CALN1: variants seen among roughly 807,000 people sequenced by gnomAD.
CALN1 encodes the protein calneuron 1, also known as calcium-binding protein 8.
Under a neutral mutation model 30.6 loss-of-function variants are expected in CALN1, and 17 were observed. That is an observed-to-expected ratio of 0.56 (90% confidence interval 0.38 to 0.83). The LOEUF is 0.83. Among genes scored for constraint, CALN1 ranks in the 40% least tolerant of loss-of-function variants. The pLI, the probability that CALN1 is intolerant of heterozygous loss-of-function variation, is 0.00. For missense variants in CALN1, 291 were observed against 354.9 expected (o/e 0.82, Z 1.45); for synonymous variants, 156 against 131.4 (o/e 1.19, Z -1.28).
At chr7:72,093,704 TC>T (rs1351913295) in intron 4 of CALN1, among the ~76,000 whole-genome samples, 14 of 152,176 alleles carry the variant, frequency 9.2e-5, no homozygotes, top group Non-Finnish European at 1.8e-4. Flanking sequence ...ACCTTTAAAC[TC>T]TCAGCTCAAG....
At position 71,787,582 on chromosome 7, in the gene CALN1, G is replaced by T; in HGVS notation, c.*193C>A. The T allele has an allele frequency of 1.6e-6, 1 of 624,740 alleles. No individual in the cohort carries two copies. Among genetic ancestry groups the T allele is most frequent in the Non-Finnish European group, 2.6e-6 (1 of 381,966 alleles). 38.7% of individuals were successfully genotyped at this position (624,740 alleles called of 1,614,324 possible). A position where few individuals can be genotyped will look rare whatever the true frequency, so the allele number is the denominator to read the frequency against. On this transcript the variant is annotated 3_prime_UTR_variant, in exon 7 of 7. Coordinates refer to ENST00000395275, the MANE Select transcript of CALN1 (RefSeq NM_031468.4). ...TTAAAGCACTGAAGACAGCCCTTTA[G>T]TGTCCCTGCCAAGGAGATGAAGCTG...
intron 3 of CALN1, among the ~76,000 whole-genome samples, chr7:72,181,904 T>C (rs1398319593): frequency 1.3e-5 from 2 of 152,238 alleles, no homozygotes; most frequent in African/African-American, 2.4e-5. Flanking sequence ...GTCCATACTA[T>C]GTACCAGCAC....
chr7:72,092,444 C>CA (rs573228170), intron 4 of CALN1, among the ~76,000 whole-genome samples: 246 of 150,350 alleles, frequency 1.6e-3, no homozygotes, highest in African/African-American at 5.8e-3. Flanking sequence ...ACACACACAC[C>CA]CACACACACA....
At chr7:72,346,170 A>G (rs532099418) in intron 2 of CALN1, among the ~76,000 whole-genome samples, 77 of 152,324 alleles carry the variant, frequency 5.1e-4, no homozygotes, top group African/African-American at 1.8e-3. Flanking sequence ...CATAATTTTT[A>G]AAGGTCAAAT....
chr7:72,212,181 C>T (rs1158198694), intron 3 of CALN1, among the ~76,000 whole-genome samples: 1 of 151,870 alleles, frequency 6.6e-6, no homozygotes, highest in East Asian at 1.9e-4. Flanking sequence ...AAACCCATCG[C>T]TACTAAAAAT....
At chr7:71,999,567 G>T (rs1471068250) in intron 5 of CALN1, among the ~76,000 whole-genome samples, 1 of 151,834 alleles carries the variant, frequency 6.6e-6, no homozygotes, top group Non-Finnish European at 1.5e-5. Flanking sequence ...AGGCTGGAGT[G>T]CAGTGGCATA....
intron 3 of CALN1, among the ~76,000 whole-genome samples, chr7:72,249,495 G>GGATCTTCAACAAGAAACA (rs1795407358): frequency 6.9e-6 from 1 of 145,170 alleles, no homozygotes; most frequent in South Asian, 2.2e-4. Flanking sequence ...TCTATCCACA[G>GGATCTTCAACAAGAAACA]GATCTTCAAC....
intron 5 of CALN1, among the ~76,000 whole-genome samples, chr7:72,022,922 A>T (rs1335035200): frequency 3.7e-4 from 19 of 50,886 alleles, no homozygotes; most frequent in African/African-American, 3.3e-3. Flanking sequence ...AATAAAATTA[A>T]AAAAAAAAAA....
chr7:72,212,366 A>T (rs75875039), intron 3 of CALN1, among the ~76,000 whole-genome samples: 1 of 151,376 alleles, frequency 6.6e-6, no homozygotes, highest in African/African-American at 2.4e-5. Context: ...AAAAAAAAAA[A>T]ATACCAGAGG....
At chr7:72,235,275 AAAATAAATAAAT>A (rs151162451) in intron 3 of CALN1, among the ~76,000 whole-genome samples, 7 of 151,658 alleles carry the variant, frequency 4.6e-5, no homozygotes, top group African/African-American at 1.5e-4. Context: ...CTCTGTCTCA[AAAATAAATAAAT>A]AAATAAATAA....
At chr7:72,018,330 C>G (rs182358861) in intron 5 of CALN1, among the ~76,000 whole-genome samples, 7 of 152,226 alleles carry the variant, frequency 4.6e-5, no homozygotes, top group Middle Eastern at 3.4e-3. Context: ...GCCTACCCCC[C>G]AGTCCTGAGT....
intron 3 of CALN1, among the ~76,000 whole-genome samples, chr7:72,118,084 C>T (rs1037239024): frequency 6.6e-6 from 1 of 152,088 alleles, no homozygotes; most frequent in Non-Finnish European, 1.5e-5. Flanking sequence ...GATGAACCTA[C>T]TATGCATCTC....
chr7:72,024,237 A>C (rs1486366713), intron 4 of CALN1, among the ~76,000 whole-genome samples: 1 of 152,064 alleles, frequency 6.6e-6, no homozygotes, highest in Admixed American at 6.6e-5. Context: ...TCCCTTTTCA[A>C]CCATGAAGGT....
intron 5 of CALN1, among the ~76,000 whole-genome samples, chr7:71,867,252 C>T (rs147646653): frequency 6.3e-4 from 96 of 151,784 alleles, no homozygotes; most frequent in African/African-American, 2.2e-3. Flanking sequence ...CACCAGAAGG[C>T]GTCTGTCAGG....
chr7:72,317,084 G>A (rs13307000), intron 2 of CALN1, among the ~76,000 whole-genome samples: 41,523 of 109,228 alleles, frequency 0.38, 9,315 homozygotes, highest in Middle Eastern at 0.56. Flanking sequence ...CACAGAAAGA[G>A]AGAGAGAGAG....
At position 71,784,761 on chromosome 7, in the gene CALN1, G is replaced by T; in HGVS notation, c.*3014C>A. 2.5e-6 allele frequency: 1 copy of T among 398,602 alleles called. No individual in the cohort carries two copies. Among genetic ancestry groups the T allele is most frequent in the South Asian group, 1.3e-4 (1 of 7,858 alleles). The allele number at this position is 398,602 out of a possible 1,614,324, so 24.7% of individuals were successfully genotyped here. Reference sequence around the variant, plus strand: ...TCCTAAGTCCGGAGGACAGAATGAGGGGTGAGCTATTCCCTCTCAATTCCT... The same window carrying T: ...TCCTAAGTCCGGAGGACAGAATGAGTGGTGAGCTATTCCCTCTCAATTCCT... On this transcript the variant is annotated 3_prime_UTR_variant, in exon 7 of 7. Coordinates refer to ENST00000395275, the MANE Select transcript of CALN1 (RefSeq NM_031468.4).
intron 4 of CALN1, among the ~76,000 whole-genome samples, chr7:72,051,845 T>C (rs1163668642): frequency 6.6e-6 from 1 of 152,206 alleles, no homozygotes; most frequent in Non-Finnish European, 1.5e-5. Flanking sequence ...GGGAAAATAC[T>C]AGATTCCTTC....
intron 4 of CALN1, among the ~76,000 whole-genome samples, chr7:72,098,582 C>T (rs1806400782): frequency 6.6e-6 from 1 of 151,898 alleles, no homozygotes; most frequent in Non-Finnish European, 1.5e-5. Flanking sequence ...GTTGCACACA[C>T]CTGTAGTCCC....
At chr7:71,929,458 G>A (rs958252251) in intron 5 of CALN1, among the ~76,000 whole-genome samples, 5 of 152,212 alleles carry the variant, frequency 3.3e-5, no homozygotes, top group Admixed American at 2.0e-4. Flanking sequence ...CTCTGCAAAG[G>A]ACATGATCTC....
Sources: gnomAD v4.1 joint callset for allele counts (sites outside exome capture counted in the v4.1 genomes callset) on GRCh38, gnomAD v4.1.1 for gene constraint, MANE v1.5 for transcripts, NCBI Gene and HGNC (gene_info 2026-07-23, HGNC 2026-07-21) for gene names.